ABCC8: variants seen among roughly 807,000 people sequenced by gnomAD.
ABCC8 encodes ATP-binding cassette sub-family C member 8.
A neutral mutation model predicts 188.0 loss-of-function variants in ABCC8; 137 were observed. The ratio of observed to expected loss-of-function variants is 0.73; its 90% confidence interval spans 0.63 to 0.84. ABCC8 has a LOEUF of 0.84. Ranked by LOEUF, ABCC8 falls within the 40% of genes least tolerant of loss-of-function variation. The pLI is 0.00. For synonymous variants in ABCC8, 797 were observed against 846.5 expected (o/e 0.94, Z 1.01); for missense variants, 1,750 against 2,072.7 (o/e 0.84, Z 3.02).
At chr11:17,416,160 G>A (rs559278997) in intron 17 of ABCC8, among the ~76,000 whole-genome samples, 5 of 152,274 alleles carry the variant, frequency 3.3e-5, no homozygotes, top group African/African-American at 9.6e-5. Context: ...GAGAGCAAAG[G>A]CCAGAGGCTT....
chr11:17,440,479 G>A (rs1372228493), intron 10 of ABCC8, among the ~76,000 whole-genome samples: 1 of 152,160 alleles, frequency 6.6e-6, no homozygotes, highest in Non-Finnish European at 1.5e-5. Context: ...CCCTGTCTAT[G>A]GAGTGCTTAG....
intron 2 of ABCC8, among the ~76,000 whole-genome samples, chr11:17,474,296 C>G (rs1383912106): frequency 6.6e-6 from 1 of 152,222 alleles, no homozygotes; most frequent in Non-Finnish European, 1.5e-5. Flanking sequence ...ACTCTTAGGC[C>G]TTTCTGACTC....
chr11:17,463,641 T>C, intron 3 of ABCC8, 37 bp from the exon 4 acceptor site: 2 of 1,555,540 alleles, frequency 1.3e-6, no homozygotes, highest in Non-Finnish European at 1.7e-6. Context: ...GAGACGTGTG[T>C]GCATCATGTG....
At chr11:17,400,325 T>A (rs1347641598) in intron 29 of ABCC8, among the ~76,000 whole-genome samples, 1 of 152,086 alleles carries the variant, frequency 6.6e-6, no homozygotes, top group East Asian at 1.9e-4. Context: ...TGTGTGTGCA[T>A]CAGGGCATGT....
rs1431765413 is a variant in ABCC8, at chr11:17,392,970, T to C, written c.*21A>G. On this transcript the variant is annotated 3_prime_UTR_variant, in exon 39 of 39. Coordinates refer to ENST00000389817, the MANE Select transcript of ABCC8 (RefSeq NM_000352.6). ...GTATGGGCAGGGTCCGAATGTGGGATGGCACTTGGGCTCTGGCAGGTCACT... is the reference window on the plus strand; with the variant it reads ...GTATGGGCAGGGTCCGAATGTGGGACGGCACTTGGGCTCTGGCAGGTCACT... 3.7e-6 allele frequency: 6 copies of C among 1,613,506 alleles called. No homozygotes were observed. Among genetic ancestry groups the C allele is most frequent in the African/African-American group, 1.3e-5 (1 of 74,934 alleles).
At chr11:17,468,058 T>C (rs1247892252) in intron 3 of ABCC8, among the ~76,000 whole-genome samples, 1 of 152,150 alleles carries the variant, frequency 6.6e-6, no homozygotes, top group Non-Finnish European at 1.5e-5. Flanking sequence ...ACTTCAGAAA[T>C]GGAAGCAGGG....
At chr11:17,471,752 C>G (rs143908894) in intron 2 of ABCC8, among the ~76,000 whole-genome samples, 3 of 152,352 alleles carry the variant, frequency 2.0e-5, no homozygotes, top group African/African-American at 7.2e-5. Flanking sequence ...CTGACACACA[C>G]ACACAGGATG....
Position 17,440,943 on chromosome 11 carries a change from GCCA to G in ABCC8, c.1630+1774_1630+1776del, listed in dbSNP as rs1475746120. Among the ~76,000 whole-genome samples, 8 of 152,180 alleles carry G rather than the reference GCCA, an allele frequency of 5.3e-5. No homozygotes were observed. The East Asian group carries it at 1.5e-3, about 29-fold the overall frequency. ...GACTCTCTCTCTAGGCAGCAAGAAT[GCCA>G]AGAATACGCAGATGACCTGAGTGAC... On this transcript the variant is annotated intron_variant, in intron 10 of 38. Coordinates refer to ENST00000389817, the MANE Select transcript of ABCC8 (RefSeq NM_000352.6).
chr11:17,401,339 G>A lies in ABCC8; in HGVS notation c.3650+1322C>T, dbSNP rs1377281780. On this transcript the variant is annotated intron_variant, in intron 29 of 38. Coordinates refer to ENST00000389817, the MANE Select transcript of ABCC8 (RefSeq NM_000352.6). ...TTTGTGGAAGACACAGCATAGGCTT[G>A]TCCAGGGGCAAGGGATGTCCAGGGA... Among the ~76,000 whole-genome samples, 3 of 152,220 alleles carry A rather than the reference G, an allele frequency of 2.0e-5. No homozygotes were observed. The East Asian group carries it at 5.8e-4, about 29-fold the overall frequency.
chr11:17,448,305 C>T, intron 8 of ABCC8: 1 of 592,342 alleles, frequency 1.7e-6, no homozygotes, highest in East Asian at 2.9e-5. Flanking sequence ...AATGATACTG[C>T]CTTCTCTGGT....
intron 23 of ABCC8, 111 bp downstream of exon 23, chr11:17,408,281 C>T: frequency 9.1e-7 from 1 of 1,093,396 alleles, no homozygotes; most frequent in Non-Finnish European, 1.4e-6. Context: ...CACATCTGCC[C>T]TTTAGGGGGC....
At position 17,406,753 on chromosome 11, in the gene ABCC8, C is replaced by T. The variant is rs1409042189; in HGVS notation, c.3198G>A (p.Val1066=). ...CTLDQTVYAM[V]FTVLCSLGIV... The stretch of plus-strand genomic sequence containing the variant: ...TGCCCAGGCTGCAGAGCACCGTGAA[C>T]ACCATGGCATAGACAGTCTGGTCGA... Residue 1066 remains valine (V), a synonymous_variant, in exon 26 of 39, where the codon GTG becomes GTA. Transcript: ENST00000389817. The T allele has an allele frequency of 6.2e-7, 1 of 1,614,256 alleles. No homozygotes were observed. The highest frequency in any genetic ancestry group is 8.5e-7 in the Non-Finnish European group (1 of 1,180,052).
chr11:17,470,199 T>C lies in ABCC8; in HGVS notation c.314A>G (p.His105Arg), dbSNP rs1848404950. The C allele has an allele frequency of 6.2e-7, 1 of 1,614,098 alleles. No homozygotes were observed. Among genetic ancestry groups the C allele is most frequent in the Non-Finnish European group, 8.5e-7 (1 of 1,180,028 alleles). The change falls in exon 3 of 39, where the codon CAC becomes CGC. Residue 105 changes from histidine to arginine, a missense_variant. Physicochemically the swap from His to Arg is conservative, Grantham distance 29. Coordinates refer to ENST00000389817, the MANE Select transcript of ABCC8 (RefSeq NM_000352.6). Reference sequence around the variant, plus strand: ...CGCCATCCCGGCTGGCATGTACAGGTGCAGATGGTGGGATTCGGTCACCCT... The same window carrying C: ...CGCCATCCCGGCTGGCATGTACAGGCGCAGATGGTGGGATTCGGTCACCCT... Reference protein sequence around the residue: ...SDGVTESHHLHLYMPAGMAFM... With the variant: ...SDGVTESHHLRLYMPAGMAFM...
At position 17,397,817 on chromosome 11, in the gene ABCC8, G is replaced by T; in HGVS notation, c.3754-20C>A. On this transcript the variant is annotated intron_variant, in intron 30 of 38. Coordinates refer to ENST00000389817, the MANE Select transcript of ABCC8 (RefSeq NM_000352.6). ...GTACTCCTGGGGAGGGAGAGGAGCT[G>T]ACCTGGGCGCTCAGGGGTTAGAGCC... The T allele has an allele frequency of 6.2e-7, 1 of 1,612,888 alleles. No individual in the cohort carries two copies. Among genetic ancestry groups the T allele is most frequent in the South Asian group, 1.1e-5 (1 of 91,018 alleles).
chr11:17,433,325 C>G (rs1955931358), intron 10 of ABCC8, among the ~76,000 whole-genome samples: 1 of 152,220 alleles, frequency 6.6e-6, no homozygotes. Flanking sequence ...GCAGAGGGAC[C>G]AGGAGTCAGG....
intron 29 of ABCC8, among the ~76,000 whole-genome samples, chr11:17,400,467 C>A (rs1954180634): frequency 6.6e-6 from 1 of 152,118 alleles, no homozygotes; most frequent in Admixed American, 6.5e-5. Flanking sequence ...GAAAAGAGCC[C>A]CAGCCTCGGA....
chr11:17,472,622 G>A (rs889321139), intron 2 of ABCC8, among the ~76,000 whole-genome samples: 2 of 152,180 alleles, frequency 1.3e-5, no homozygotes, highest in Non-Finnish European at 2.9e-5. Flanking sequence ...AGGCCTGGGG[G>A]TAGGAGCTCA....
At position 17,411,967 on chromosome 11, in the gene ABCC8, G is replaced by A. The variant is rs767930769; in HGVS notation, c.2556+699C>T. Among the ~76,000 whole-genome samples the A allele has an allele frequency of 2.0e-3, 291 of 147,108 alleles. 1 individual carries two copies. Among genetic ancestry groups the A allele is most frequent in the Non-Finnish European group, 3.4e-3 (230 of 67,500 alleles). On this transcript the variant is annotated intron_variant, in intron 21 of 38. Transcript: ENST00000389817. The stretch of plus-strand genomic sequence containing the variant: ...GAGTGCAGTGGTGCGATCTCGGCTC[G>A]CTGCAAGCTCCGCCTCCCGGGTTCA...
intron 12 of ABCC8, chr11:17,430,351 T>A: frequency 3.4e-6 from 1 of 295,736 alleles, no homozygotes; most frequent in Non-Finnish European, 6.6e-6. Flanking sequence ...TTTCACTGGC[T>A]GAGGCTGTGA....
Sources: allele counts gnomAD v4.1 joint callset (sites outside exome capture counted in the v4.1 genomes callset), GRCh38; gene constraint gnomAD v4.1.1; transcripts MANE v1.5; gene names NCBI Gene and HGNC (gene_info 2026-07-23, HGNC 2026-07-21).